ABCA13: variants seen among roughly 807,000 people sequenced by gnomAD.
The protein encoded by ABCA13 is ATP binding cassette subfamily A member 13, also known as ATP-binding cassette sub-family A member 13.
Under a neutral mutation model 478.7 loss-of-function variants are expected in ABCA13, and 476 were observed. The ratio of observed to expected loss-of-function variants is 0.99; its 90% CI spans 0.92 to 1.07. The LOEUF is 1.07. Among genes scored for constraint, ABCA13 ranks in the 50% least tolerant of loss-of-function variants. The pLI, the probability that ABCA13 is intolerant of heterozygous loss-of-function variation, is 0.00. For synonymous variants in ABCA13, 2,252 were observed against 2,158.9 expected, an observed-to-expected ratio of 1.04 and a Z score of -1.20; for missense variants, 6,060 against 5,910.6, an observed-to-expected ratio of 1.03 and a Z score of -0.83.
intron 17 of ABCA13, among the ~76,000 whole-genome samples, chr7:48,277,418 C>T (rs1409324294): frequency 6.6e-6 from 1 of 152,230 alleles, no homozygotes; most frequent in Non-Finnish European, 1.5e-5. Flanking sequence ...CTGGCCCACT[C>T]AGGACAGTAT....
intron 27 of ABCA13, among the ~76,000 whole-genome samples, chr7:48,329,906 C>T (rs1804965372): frequency 1.3e-5 from 2 of 151,722 alleles, no homozygotes; most frequent in South Asian, 4.2e-4. Flanking sequence ...CCCACCTATC[C>T]ACCCATTCAT....
In ABCA13 at chr7:48,521,970, C is replaced by T. The variant is rs796762792; in HGVS notation, c.14051+1676C>T. 0.011 allele frequency among the ~76,000 whole-genome samples: 14 copies of T among 1,278 alleles called. No individual in the cohort carries two copies. The East Asian group carries it at 0.21, about 19-fold the overall frequency. 0.8% of individuals were successfully genotyped at this position (1,278 alleles called of 152,430 possible). ...TGTTTGAAAGGTAAAGCCCAAGGTTCTTAGCAAGCCCCCCTGAAGTGTGGT... is the reference window on the plus strand; with the variant it reads ...TGTTTGAAAGGTAAAGCCCAAGGTTTTTAGCAAGCCCCCCTGAAGTGTGGT... On this transcript the variant is annotated intron_variant, in intron 53 of 61. Transcript: ENST00000435803.
At chr7:48,426,291 G>T (rs1471128186) in intron 41 of ABCA13, among the ~76,000 whole-genome samples, 1 of 152,190 alleles carries the variant, frequency 6.6e-6, no homozygotes, top group African/African-American at 2.4e-5. Context: ...ATTTTGCTCA[G>T]TAGGATTCCA....
chr7:48,235,114 G>A (rs1789751738), intron 8 of ABCA13, among the ~76,000 whole-genome samples: 1 of 152,152 alleles, frequency 6.6e-6, no homozygotes, highest in South Asian at 2.1e-4. Flanking sequence ...CTGGCTTGGT[G>A]TTTGAAAACC....
intron 55 of ABCA13, among the ~76,000 whole-genome samples, chr7:48,528,953 T>C (rs1367115311): frequency 6.6e-6 from 1 of 152,148 alleles, no homozygotes; most frequent in Admixed American, 6.5e-5. Context: ...GTGGGTAACA[T>C]ACACTCATGC....
At chr7:48,397,561 A>G (rs999119905) in intron 38 of ABCA13, among the ~76,000 whole-genome samples, 1 of 152,188 alleles carries the variant, frequency 6.6e-6, no homozygotes, top group South Asian at 2.1e-4. Context: ...CCATGCTCAC[A>G]TTACCCCTGA....
chr7:48,352,470 C>G lies in ABCA13; in HGVS notation c.10671C>G (p.Pro3557=). 6.2e-7 allele frequency: 1 copy of G among 1,605,810 alleles called. No individual in the cohort carries two copies. The highest frequency in any genetic ancestry group is 8.5e-7 in the Non-Finnish European group (1 of 1,174,812). Residue 3557 remains proline, a synonymous_variant, in exon 31 of 62, where the codon CCC becomes CCG. Coordinates refer to ENST00000435803, the MANE Select transcript of ABCA13 (RefSeq NM_152701.5). ...CACAGACTCAGGCGGCCCCTTACCC[C>G]TGCCATACCAGCGACCTGTGAGTAG... ...PAAQTQAAPY[P]CHTSDLFLNN... is the part of the protein sequence containing the mutation.
At chr7:48,334,383 G>A (rs1342643505) in intron 27 of ABCA13, among the ~76,000 whole-genome samples, 2 of 147,188 alleles carry the variant, frequency 1.4e-5, no homozygotes, top group Non-Finnish European at 3.0e-5. Flanking sequence ...TGCCCAGGTT[G>A]GAGCACAGTG....
At chr7:48,441,865 T>C (rs1158456797) in intron 42 of ABCA13, among the ~76,000 whole-genome samples, 6 of 152,156 alleles carry the variant, frequency 3.9e-5, no homozygotes, top group Non-Finnish European at 8.8e-5. Flanking sequence ...CTCTAAATGA[T>C]AAAAATGCTA....
chr7:48,492,195 C>T (rs947963752), intron 48 of ABCA13, among the ~76,000 whole-genome samples: 1 of 152,140 alleles, frequency 6.6e-6, no homozygotes, highest in Non-Finnish European at 1.5e-5. Context: ...TCGCTTATGG[C>T]CCCTCACTTT....
At chr7:48,172,664 G>A (rs1794272920) in intron 1 of ABCA13, among the ~76,000 whole-genome samples, 2 of 151,330 alleles carry the variant, frequency 1.3e-5, no homozygotes, top group Admixed American at 6.6e-5. Flanking sequence ...CGGGTGTGGT[G>A]GCGGACGTCT....
intron 55 of ABCA13, among the ~76,000 whole-genome samples, chr7:48,533,718 T>G (rs1443932040): frequency 6.6e-6 from 1 of 152,166 alleles, no homozygotes; most frequent in Non-Finnish European, 1.5e-5. Flanking sequence ...ATTTTCTTGT[T>G]GGGCTAGTCC....
chr7:48,366,223 C>T (rs899605543), intron 31 of ABCA13, among the ~76,000 whole-genome samples: 2 of 152,092 alleles, frequency 1.3e-5, no homozygotes, highest in South Asian at 4.1e-4. Context: ...TCTGCTTGCT[C>T]CAACCTCTGG....
intron 55 of ABCA13, among the ~76,000 whole-genome samples, chr7:48,559,711 A>G (rs541259495): frequency 8.6e-4 from 131 of 152,298 alleles, no homozygotes; most frequent in Admixed American, 3.7e-3. Context: ...TATCACTGCC[A>G]GTTATTCAGG....
intron 55 of ABCA13, among the ~76,000 whole-genome samples, chr7:48,535,059 A>C (rs1833476907): frequency 6.6e-6 from 1 of 152,142 alleles, no homozygotes; most frequent in Non-Finnish European, 1.5e-5. Context: ...AGCTGATACG[A>C]TCTTTTAGGG....
rs760820059 is a variant in ABCA13, at chr7:48,391,967, A to G, written c.11701A>G (p.Ile3901Val). 2 of 1,613,958 alleles carry G rather than the reference A, an allele frequency of 1.2e-6. No individual in the cohort carries two copies. The highest frequency in any genetic ancestry group is 1.1e-5 in the South Asian group (1 of 91,084). ...LHPPTSGTII[I>V]NGKNLQTDLS... ...CCCTCCCACTTCTGGAACCATCATCATCAATGGCAAGAACCTACAGACAGA... is the reference window on the plus strand; with the variant it reads ...CCCTCCCACTTCTGGAACCATCATCGTCAATGGCAAGAACCTACAGACAGA... Residue 3901 changes from isoleucine (I) to valine (V), a missense_variant, in exon 38 of 62, where the codon ATC (isoleucine) becomes GTC (valine). Physicochemically the swap from Ile to Val is conservative, Grantham distance 29 (BLOSUM62 3). This residue lies in a region of ABCA13 where 1,627 missense variants were observed against 1,571.0 expected (regional missense o/e 1.04). Coordinates refer to ENST00000435803, the MANE Select transcript of ABCA13 (RefSeq NM_152701.5).
intron 58 of ABCA13, among the ~76,000 whole-genome samples, chr7:48,599,863 A>G (rs1175693810): frequency 6.6e-6 from 1 of 152,242 alleles, no homozygotes; most frequent in Non-Finnish European, 1.5e-5. Context: ...ATCCTAGAGA[A>G]TTGTCTATGC....
intron 6 of ABCA13, among the ~76,000 whole-genome samples, chr7:48,228,648 G>T (rs1333869933): frequency 2.0e-5 from 3 of 152,108 alleles, no homozygotes; most frequent in African/African-American, 7.2e-5. Context: ...CCCACATTCT[G>T]GTGCGTAACT....
intron 49 of ABCA13, among the ~76,000 whole-genome samples, chr7:48,507,236 T>A (rs1449611208): frequency 6.6e-6 from 1 of 152,182 alleles, no homozygotes; most frequent in Non-Finnish European, 1.5e-5. Context: ...GCAGATGACT[T>A]GTGCTGAGGA....
Sources: allele counts gnomAD v4.1 joint callset (sites outside exome capture counted in the v4.1 genomes callset), GRCh38; gene constraint gnomAD v4.1.1; regional missense constraint gnomAD v4.1.1; transcripts MANE v1.5; gene names NCBI Gene and HGNC (gene_info 2026-07-23, HGNC 2026-07-21).